Variants in RFX2 observed in about 807,000 individuals in gnomAD.
RFX2 encodes regulatory factor X2.
Under a neutral mutation model 87.8 loss-of-function variants are expected in RFX2, and 20 were observed. The observed-to-expected ratio is 0.23, with a 90% CI of 0.16 to 0.33. RFX2 has a LOEUF of 0.33. Ranked by LOEUF, RFX2 falls within the 10% of genes least tolerant of loss-of-function variation. The probability of loss-of-function intolerance (pLI) is 1.00; values close to 1 mark genes in which losing one functional copy is unlikely to be tolerated. For synonymous variants in RFX2, 397 were observed against 431.3 expected (o/e 0.92, Z 0.98); for missense variants, 767 against 1,012.3 (o/e 0.76, Z 3.29).
chr19:6,028,776 A>G (rs2086920480), intron 5 of RFX2, among the ~76,000 whole-genome samples: 1 of 152,120 alleles, frequency 6.6e-6, no homozygotes, highest in African/African-American at 2.4e-5. Flanking sequence ...CCACTAAGGT[A>G]ACTGAATAGA....
At position 6,039,915 on chromosome 19, in the gene RFX2, C is replaced by A; in HGVS notation, c.522+65G>T. ...CTCCGGCTGCCTCTTACTCACCATC[C>A]CTGCTGCCGCTGCTTCGAGAATACT... On this transcript the variant is annotated intron_variant, in intron 5 of 17. Transcript: ENST00000303657. This position sits in a 1 kb window ranked among gnomAD's most constrained non-coding sequence, Gnocchi z 5.2. 6.8e-7 allele frequency: 1 copy of A among 1,460,782 alleles called. No individual in the cohort carries two copies. The highest frequency in any genetic ancestry group is 1.4e-5 in the South Asian group (1 of 72,154). The allele number at this position is 1,460,782 out of a possible 1,614,324, so 90.5% of individuals were successfully genotyped here.
Position 5,997,209 on chromosome 19 carries a change from T to A in RFX2, c.1864A>T (p.Met622Leu). Residue 622 changes from methionine to leucine, a missense_variant, in exon 16 of 18, where the codon ATG becomes TTG. Physicochemically the swap from Met to Leu is conservative, Grantham distance 15 (BLOSUM62 2). This residue lies in a region of RFX2 where 621 missense variants were observed against 873.0 expected (regional missense o/e 0.71). Transcript: ENST00000303657. This position sits in a 1 kb window ranked among gnomAD's most constrained non-coding sequence, Gnocchi z 4.2. Reference sequence around the variant, plus strand: ...CGCAGGGTCAGGTCCCGGATCACCATGGAGCTGGGGACAAGCGGACAGAGG... The same window carrying A: ...CGCAGGGTCAGGTCCCGGATCACCAAGGAGCTGGGGACAAGCGGACAGAGG... The part of the protein sequence containing the change: ...FLLKWSFYSS[M>L]VIRDLTLRSA... 1 of 1,610,516 alleles carries A rather than the reference T, an allele frequency of 6.2e-7. No homozygotes were observed. Among genetic ancestry groups the A allele is most frequent in the Non-Finnish European group, 8.5e-7 (1 of 1,179,664 alleles).
intron 9 of RFX2, 155 bp from the exon 10 acceptor site, chr19:6,008,379 T>TC: frequency 2.2e-6 from 1 of 463,770 alleles, no homozygotes; most frequent in East Asian, 3.3e-5. Context: ...CTTTTTCTTT[T>TC]TTTTTTTTTT....
intron 1 of RFX2, among the ~76,000 whole-genome samples, chr19:6,051,279 CTTAA>C (rs1476006114): frequency 6.6e-6 from 1 of 152,042 alleles, no homozygotes; most frequent in Non-Finnish European, 1.5e-5. Flanking sequence ...CTTTTCTTCT[CTTAA>C]TTTATTTTAA....
At position 6,026,122 on chromosome 19, in the gene RFX2, A is replaced by T; in HGVS notation, c.597+41T>A. The T allele has an allele frequency of 6.5e-7, 1 of 1,537,658 alleles. No homozygotes were observed. The highest frequency in any genetic ancestry group is 9.0e-7 in the Non-Finnish European group (1 of 1,113,972). ...CTTAAAAATGTCTATGCAGGTTACA[A>T]GCAGAGCAGGGACAGGTTGCCAGGT... On this transcript the variant is annotated intron_variant, in intron 6 of 17. Transcript: ENST00000303657. The surrounding 1 kb of genome is among the most constrained non-coding windows in gnomAD (Gnocchi z 4.5).
rs142920226 is a variant in RFX2 at position 5,999,181 on chromosome 19, G to A, written c.1860-1968C>T. Among the ~76,000 whole-genome samples the A allele has an allele frequency of 6.6e-5, 10 of 152,256 alleles. No individual in the cohort carries two copies. The highest frequency in any genetic ancestry group is 1.9e-4 in the East Asian group (1 of 5,178). Reference sequence around the variant, plus strand: ...TGAGGCACGAGAAGTGCTTGAACCCGGGAAGGGGAGGTTGCAGTGAGCCGA... The same window carrying A: ...TGAGGCACGAGAAGTGCTTGAACCCAGGAAGGGGAGGTTGCAGTGAGCCGA... On this transcript the variant is annotated intron_variant, in intron 15 of 17. Transcript: ENST00000303657. The surrounding 1 kb of genome is among the most constrained non-coding windows in gnomAD (Gnocchi z 4.1).
chr19:6,035,978 G>A (rs1334699281), intron 5 of RFX2, among the ~76,000 whole-genome samples: 1 of 152,024 alleles, frequency 6.6e-6, no homozygotes, highest in East Asian at 1.9e-4. Flanking sequence ...CTCCAGGGTG[G>A]TGGCCCAGGG....
chr19:6,033,878 A>T (rs1292029923), intron 5 of RFX2, among the ~76,000 whole-genome samples: 1 of 152,228 alleles, frequency 6.6e-6, no homozygotes, highest in African/African-American at 2.4e-5. Flanking sequence ...GAAAAAGCAG[A>T]TGTGCCATTG....
At chr19:6,053,220 T>C (rs1369177495) in intron 1 of RFX2, among the ~76,000 whole-genome samples, 1 of 152,146 alleles carries the variant, frequency 6.6e-6, no homozygotes, top group East Asian at 1.9e-4. Context: ...AAACACATAC[T>C]ATGAAGTGAA....
intron 5 of RFX2, among the ~76,000 whole-genome samples, chr19:6,028,189 G>A (rs1332124655): frequency 2.0e-5 from 3 of 150,334 alleles, no homozygotes; most frequent in Non-Finnish European, 3.0e-5. Flanking sequence ...TGAAGAATAG[G>A]TACACTTTCC....
At chr19:6,037,554 T>C (rs2087041875) in intron 5 of RFX2, among the ~76,000 whole-genome samples, 1 of 152,198 alleles carries the variant, frequency 6.6e-6, no homozygotes, top group Admixed American at 6.5e-5. Flanking sequence ...ACGTACCATG[T>C]TCATGGATTG....
chr19:6,037,317 A>G (rs1192758068), intron 5 of RFX2, among the ~76,000 whole-genome samples: 2 of 151,584 alleles, frequency 1.3e-5, no homozygotes, highest in East Asian at 1.9e-4. Flanking sequence ...TGAGTTCAGC[A>G]AGATTACAGG....
chr19:6,007,232 C>CGAGCA lies in RFX2; in HGVS notation c.1248-71_1248-67dup. 1 of 1,534,166 alleles carries CGAGCA rather than the reference C, an allele frequency of 6.5e-7. No individual in the cohort carries two copies. The highest frequency in any genetic ancestry group is 8.9e-7 in the Non-Finnish European group (1 of 1,120,786). On this transcript the variant is annotated intron_variant, in intron 11 of 17. Coordinates refer to ENST00000303657, the MANE Select transcript of RFX2 (RefSeq NM_000635.4). This position sits in a 1 kb window ranked among gnomAD's most constrained non-coding sequence, Gnocchi z 8.2. ...AGGTGGGCTCACTCAGCCACGGGAG[C>CGAGCA]GAGCAGAGAGCCGGGCTGCGGGACT...
intron 1 of RFX2, among the ~76,000 whole-genome samples, chr19:6,077,661 C>A (rs2087711199): frequency 1.3e-5 from 2 of 152,138 alleles, no homozygotes; most frequent in Admixed American, 6.6e-5. Flanking sequence ...GTAGCAACAG[C>A]CCAAATGTTT....
intron 6 of RFX2, among the ~76,000 whole-genome samples, chr19:6,019,512 A>ATG (rs147877773): frequency 0.61 from 77,489 of 126,782 alleles, 25,205 homozygotes; most frequent in Non-Finnish European, 0.71. Flanking sequence ...GTGTGTGAGT[A>ATG]TGTGTGTGTG....
chr19:6,066,804 G>A (rs1444326944), intron 1 of RFX2, among the ~76,000 whole-genome samples: 1 of 152,054 alleles, frequency 6.6e-6, no homozygotes, highest in Non-Finnish European at 1.5e-5. Context: ...AAGTAACAAC[G>A]GTTGCCAGGG....
At chr19:6,081,953 T>C (rs1055945479) in intron 1 of RFX2, among the ~76,000 whole-genome samples, 3 of 152,166 alleles carry the variant, frequency 2.0e-5, no homozygotes, top group African/African-American at 7.2e-5. Context: ...CTGGGTGTAC[T>C]GGTGGGCACC....
At chr19:6,103,892 A>G (rs1284692595) in intron 1 of RFX2, among the ~76,000 whole-genome samples, 1 of 152,194 alleles carries the variant, frequency 6.6e-6, no homozygotes, top group Admixed American at 6.5e-5. Context: ...ATCCCAGGCC[A>G]CTTACTACTT....
At chr19:6,051,939 A>G (rs2087270784) in intron 1 of RFX2, among the ~76,000 whole-genome samples, 1 of 152,254 alleles carries the variant, frequency 6.6e-6, no homozygotes, top group South Asian at 2.1e-4. Flanking sequence ...GTGCAGTGCC[A>G]CAGTCTCAGC....
Sources: gnomAD v4.1 joint callset for allele counts (sites outside exome capture counted in the v4.1 genomes callset) on GRCh38, gnomAD v4.1.1 for gene constraint, gnomAD v4.1.1 regional missense constraint, Gnocchi (gnomAD v3.1) non-coding constraint, MANE v1.5 for transcripts, NCBI Gene and HGNC (gene_info 2026-07-23, HGNC 2026-07-21) for gene names.